Variants in CFH observed in about 807,000 individuals in gnomAD.
CFH encodes H factor 1 (complement).
A neutral mutation model predicts 147.3 loss-of-function variants in CFH; 53 were observed. The observed-to-expected ratio is 0.36, with a 90% confidence interval of 0.29 to 0.45. The LOEUF (loss-of-function observed/expected upper bound fraction) is 0.45. CFH is among the 20% of genes least tolerant of loss of function. The probability of loss-of-function intolerance (pLI) is 1.00; values close to 1 mark genes in which losing one functional copy is unlikely to be tolerated. For missense variants in CFH, 1,380 were observed against 1,498.0 expected (o/e 0.92, Z 1.30); for synonymous variants, 536 against 489.4 (o/e 1.10, Z -1.26).
intron 17 of CFH, among the ~76,000 whole-genome samples, chr1:196,739,369 T>A (rs1379670516): frequency 6.6e-6 from 1 of 152,214 alleles, no homozygotes; most frequent in African/African-American, 2.4e-5. Flanking sequence ...TTTTCCAAAC[T>A]TTTATGCTCT....
chr1:196,713,713 T>G (rs1668777013), intron 9 of CFH, 22 bp from the exon 10 acceptor site: 2 of 1,464,924 alleles, frequency 1.4e-6, no homozygotes. Flanking sequence ...GCTTGTCTTT[T>G]TCTTATTCTC....
At chr1:196,707,383 C>T (rs1333959540) in intron 9 of CFH, among the ~76,000 whole-genome samples, 2 of 152,140 alleles carry the variant, frequency 1.3e-5, no homozygotes, top group Non-Finnish European at 2.9e-5. Context: ...TATACACAAT[C>T]TTTAGGTTGT....
chr1:196,714,666 TATAGAGAGAGAGAGAGAGAGAG>T (rs1362753912), intron 10 of CFH, among the ~76,000 whole-genome samples: 9 of 28,352 alleles, frequency 3.2e-4, no homozygotes, highest in Admixed American at 2.8e-3. Context: ...TATATATATA[TATAGAGAGAGAGAGAGAGAGAG>T]AGAGAGAGAG....
rs1269854987 is a variant in CFH, at chr1:196,728,302, A to G, written c.2237-44A>G. The G allele has an allele frequency of 4.9e-6, 6 of 1,232,568 alleles. 1 individual carries two copies. The South Asian group carries it at 9.5e-5, about 19-fold the overall frequency. 76.4% of individuals were successfully genotyped at this position (1,232,568 alleles called of 1,614,324 possible). On this transcript the variant is annotated intron_variant, in intron 14 of 21. Transcript: ENST00000367429. ...CTATTTTTATGTAATAGTTGGTTTG[A>G]TTCCTATCATTTGAATTTTCATAAA...
At position 196,689,559 on chromosome 1, in the gene CFH, C is replaced by T. The variant is rs750174501; in HGVS notation, c.1104C>T (p.Tyr368=). The change falls in exon 8 of 22, where the codon TAC becomes TAT. Residue 368 remains tyrosine, a synonymous_variant. Coordinates refer to ENST00000367429, the MANE Select transcript of CFH (RefSeq NM_000186.4). ...DEHFETPSGS[Y]WDHIHCTQDG... is the part of the protein sequence containing the mutation. ...ATTTTGAGACTCCGTCAGGAAGTTA[C>T]TGGGATCACATTCATTGCACACAAG... is the stretch of plus-strand genomic sequence containing the variant. 6.2e-7 allele frequency: 1 copy of T among 1,613,424 alleles called. No individual in the cohort carries two copies. The highest frequency in any genetic ancestry group is 2.2e-5 in the East Asian group (1 of 44,832).
chr1:196,690,446 T>A, intron 9 of CFH: 1 of 678,596 alleles, frequency 1.5e-6, no homozygotes, highest in Non-Finnish European at 2.6e-6. Flanking sequence ...ATTCTCCTAT[T>A]AATGGGCATT....
intron 11 of CFH, among the ~76,000 whole-genome samples, chr1:196,717,756 T>G (rs1033926258): frequency 1.3e-5 from 2 of 152,210 alleles, no homozygotes; most frequent in East Asian, 3.9e-4. Flanking sequence ...GCTGAACACA[T>G]GACTTACATA....
chr1:196,718,489 G>A (rs553258198), intron 11 of CFH, among the ~76,000 whole-genome samples: 2 of 152,006 alleles, frequency 1.3e-5, no homozygotes, highest in South Asian at 2.1e-4. Context: ...CTGAATCCTG[G>A]ATTTAGTGGA....
intron 15 of CFH, among the ~76,000 whole-genome samples, chr1:196,731,657 T>C (rs1209419705): frequency 1.3e-5 from 2 of 152,058 alleles, no homozygotes; most frequent in Admixed American, 1.3e-4. Flanking sequence ...GAACTCCCTT[T>C]AACATTTCTT....
intron 9 of CFH, among the ~76,000 whole-genome samples, chr1:196,692,638 CCTTT>C (rs1339424565): frequency 8.1e-6 from 1 of 124,144 alleles, no homozygotes; most frequent in South Asian, 2.6e-4. Flanking sequence ...TTTCTTTCTT[CCTTT>C]CTTTGTCTAC....
chr1:196,720,576 G>A (rs976051446), intron 11 of CFH, among the ~76,000 whole-genome samples: 6 of 151,752 alleles, frequency 4.0e-5, no homozygotes, highest in Non-Finnish European at 7.4e-5. Flanking sequence ...TAAAATAATG[G>A]CCTTTAGTTT....
At chr1:196,704,565 G>T (rs1668541381) in intron 9 of CFH, among the ~76,000 whole-genome samples, 1 of 152,190 alleles carries the variant, frequency 6.6e-6, no homozygotes, top group South Asian at 2.1e-4. Flanking sequence ...ACTCCAAAAG[G>T]TTAGTCCGGA....
intron 11 of CFH, among the ~76,000 whole-genome samples, chr1:196,723,834 T>C (rs1573063276): frequency 1.3e-5 from 2 of 152,064 alleles, no homozygotes; most frequent in South Asian, 4.1e-4. Flanking sequence ...AGTGGAGTTG[T>C]AGCCACCCCC....
intron 11 of CFH, among the ~76,000 whole-genome samples, chr1:196,718,367 T>C (rs1222944219): frequency 6.6e-6 from 1 of 152,072 alleles, no homozygotes; most frequent in African/African-American, 2.4e-5. Flanking sequence ...ACATAGGAAG[T>C]CATCGATGCA....
chr1:196,680,105 C>A (rs775256825), intron 6 of CFH, among the ~76,000 whole-genome samples: 1 of 151,664 alleles, frequency 6.6e-6, no homozygotes, highest in Non-Finnish European at 1.5e-5. Context: ...CAGTAACATA[C>A]AATTCTCAAA....
At chr1:196,742,374 T>A (rs1026918294) in intron 19 of CFH, among the ~76,000 whole-genome samples, 5 of 152,076 alleles carry the variant, frequency 3.3e-5, no homozygotes, top group African/African-American at 1.2e-4. Context: ...AGATTCCGTC[T>A]CAAAAAAATA....
chr1:196,695,695 G>C (rs1668237567), intron 9 of CFH, among the ~76,000 whole-genome samples: 1 of 152,016 alleles, frequency 6.6e-6, no homozygotes, highest in Non-Finnish European at 1.5e-5. Context: ...GCAGTGGTTT[G>C]TAGTTCTCCT....
intron 12 of CFH, among the ~76,000 whole-genome samples, chr1:196,726,070 G>A (rs1202735138): frequency 6.6e-6 from 1 of 152,150 alleles, no homozygotes; most frequent in Non-Finnish European, 1.5e-5. Context: ...CAATATTTAA[G>A]CAGCTTATAT....
chr1:196,660,919 C>A (rs1666875670), intron 1 of CFH, among the ~76,000 whole-genome samples: 1 of 152,170 alleles, frequency 6.6e-6, no homozygotes, highest in African/African-American at 2.4e-5. Flanking sequence ...ATTTACTTCT[C>A]ACTAGGAAGT....
Sources: allele counts gnomAD v4.1 joint callset (sites outside exome capture counted in the v4.1 genomes callset), GRCh38; gene constraint gnomAD v4.1.1; transcripts MANE v1.5; gene names NCBI Gene and HGNC (gene_info 2026-07-23, HGNC 2026-07-21).